The following ZC3H6 variants were observed in gnomAD, a reference collection of about 807,000 sequenced individuals.
ZC3H6 encodes zinc finger CCCH-type containing 6.
A neutral mutation model predicts 107.7 loss-of-function variants in ZC3H6; 40 were observed. The ratio of observed to expected loss-of-function variants is 0.37; its 90% confidence interval spans 0.29 to 0.48. ZC3H6 has a LOEUF of 0.48. ZC3H6 is among the 20% of genes least tolerant of loss of function. ZC3H6 has a pLI of 0.98. For missense variants in ZC3H6, 1,267 were observed against 1,410.4 expected (o/e 0.90, Z 1.63); for synonymous variants, 493 against 487.9 (o/e 1.01, Z -0.14).
chr2:112,317,505 C>T (rs1178723488), intron 7 of ZC3H6, among the ~76,000 whole-genome samples, 173 bp downstream of exon 7: 1 of 152,010 alleles, frequency 6.6e-6, no homozygotes, highest in Non-Finnish European at 1.5e-5. Context: ...AGCAAACTGA[C>T]CTTTATTCTT....
chr2:112,309,840 T>C, intron 3 of ZC3H6, 45 bp from the exon 4 acceptor site: 1 of 1,526,232 alleles, frequency 6.6e-7, no homozygotes, highest in Non-Finnish European at 8.8e-7. Context: ...TCAATTGCTA[T>C]ATATAATTGA....
intron 10 of ZC3H6, 108 bp from the exon 11 acceptor site, chr2:112,324,856 G>A: frequency 1.8e-6 from 2 of 1,132,242 alleles, no homozygotes; most frequent in Non-Finnish European, 2.5e-6. Flanking sequence ...TATTTTAAAT[G>A]ATATAATTTG....
At chr2:112,311,686 GA>G (rs930597948) in intron 4 of ZC3H6, 117 bp from the exon 5 acceptor site, 58 of 839,290 alleles carry the variant, frequency 6.9e-5, no homozygotes, top group African/African-American at 1.2e-4. Context: ...AATCTAGAAG[GA>G]AAAAAAAGAA....
intron 2 of ZC3H6, among the ~76,000 whole-genome samples, 190 bp downstream of exon 2, chr2:112,300,219 CT>C (rs879506959): frequency 1.7e-3 from 251 of 145,126 alleles, no homozygotes; most frequent in Middle Eastern, 3.6e-3. Flanking sequence ...TAAGTTAAAT[CT>C]TTTTTTTTTT....
rs1677179400 is a variant in ZC3H6 at position 112,338,710 on chromosome 2, A to G, written c.*6222A>G. ...TGAAAGGAATGGTGAAATTTGCATT[A>G]TCAGAGGTCTGATATGTAATTTATT... On this transcript the variant is annotated 3_prime_UTR_variant, in exon 12 of 12. Coordinates refer to ENST00000409871, the MANE Select transcript of ZC3H6 (RefSeq NM_198581.3). 6.6e-6 allele frequency: 1 copy of G among 151,818 alleles called. No individual in the cohort carries two copies. Among genetic ancestry groups the G allele is most frequent in the Admixed American group, 6.6e-5 (1 of 15,222 alleles). The allele number at this position is 151,818 out of a possible 1,614,324, so 9.4% of individuals were successfully genotyped here.
At chr2:112,280,145 A>C (rs1023499385) in intron 1 of ZC3H6, among the ~76,000 whole-genome samples, 1 of 152,148 alleles carries the variant, frequency 6.6e-6, no homozygotes, top group Admixed American at 6.5e-5. Flanking sequence ...AATTTTAATT[A>C]AAAAAATTGC....
At chr2:112,298,860 T>A (rs904171835) in intron 1 of ZC3H6, among the ~76,000 whole-genome samples, 1 of 152,228 alleles carries the variant, frequency 6.6e-6, no homozygotes, top group Non-Finnish European at 1.5e-5. Context: ...TATTTGATAC[T>A]GATACAGTAT....
At chr2:112,305,730 T>G (rs971490677) in intron 3 of ZC3H6, among the ~76,000 whole-genome samples, 4 of 152,254 alleles carry the variant, frequency 2.6e-5, no homozygotes, top group Non-Finnish European at 4.4e-5. Flanking sequence ...TATCAAATTC[T>G]CTCAGTTTTT....
At chr2:112,280,048 A>G (rs1280246100) in intron 1 of ZC3H6, among the ~76,000 whole-genome samples, 1 of 152,196 alleles carries the variant, frequency 6.6e-6, no homozygotes, top group Non-Finnish European at 1.5e-5. Flanking sequence ...ACTTGGGTTA[A>G]TGCTCTTCCC....
chr2:112,322,307 A>C (rs1229491411), intron 8 of ZC3H6, among the ~76,000 whole-genome samples: 1 of 150,916 alleles, frequency 6.6e-6, no homozygotes, highest in Non-Finnish European at 1.5e-5. Flanking sequence ...CAACCTCCAC[A>C]CCCTGCTCCT....
chr2:112,301,104 C>G (rs1173096030), intron 2 of ZC3H6, among the ~76,000 whole-genome samples: 1 of 152,154 alleles, frequency 6.6e-6, no homozygotes, highest in African/African-American at 2.4e-5. Context: ...TTCCAGAAAC[C>G]AAGTTGCCAA....
chr2:112,305,885 C>A (rs1413544906), intron 3 of ZC3H6, among the ~76,000 whole-genome samples: 1 of 152,116 alleles, frequency 6.6e-6, no homozygotes, highest in Non-Finnish European at 1.5e-5. Flanking sequence ...AACGTTTTAC[C>A]ACATATGCTT....
At position 112,324,582 on chromosome 2, in the gene ZC3H6, C is replaced by T. The variant is rs758056052; in HGVS notation, c.1771C>T (p.Leu591=). ...EMQLNTNYES[L]QNPAEFYDNY... ...GCAGCTCAACACCAATTATGAGTCCCTGCAAAACCCAGCTGAGTTTTACGA... is the reference window on the plus strand; with the variant it reads ...GCAGCTCAACACCAATTATGAGTCCTTGCAAAACCCAGCTGAGTTTTACGA... Residue 591 remains leucine, a synonymous_variant, in exon 10 of 12, where the codon CTG becomes TTG. Coordinates refer to ENST00000409871, the MANE Select transcript of ZC3H6 (RefSeq NM_198581.3). The T allele has an allele frequency of 2.8e-5, 45 of 1,611,408 alleles. No homozygotes were observed. Among genetic ancestry groups the T allele is most frequent in the Non-Finnish European group, 3.6e-5 (43 of 1,178,600 alleles).
intron 1 of ZC3H6, among the ~76,000 whole-genome samples, chr2:112,289,932 G>GCT (rs1676072849): frequency 6.6e-6 from 1 of 151,908 alleles, no homozygotes; most frequent in Non-Finnish European, 1.5e-5. Context: ...ATAGAGACGG[G>GCT]GTTTTACCGT....
chr2:112,295,275 G>C (rs952137128), intron 1 of ZC3H6, among the ~76,000 whole-genome samples: 1 of 152,030 alleles, frequency 6.6e-6, no homozygotes, highest in African/African-American at 2.4e-5. Context: ...TTAATAAAAC[G>C]TCACATATAT....
At position 112,324,311 on chromosome 2, in the gene ZC3H6, A is replaced by G. The variant is rs369806460; in HGVS notation, c.1500A>G (p.Gly500=). ...CTGTGATGCACCCAGGCTCCCCTGG[A>G]CATCACCCATGTGCAGGACCTCCTG... ...SSPVMHPGSP[G]HHPCAGPPGL... The change falls in exon 10 of 12, where the codon GGA becomes GGG. Residue 500 remains glycine (G), a synonymous_variant. Coordinates refer to ENST00000409871, the MANE Select transcript of ZC3H6 (RefSeq NM_198581.3). 54 of 1,613,884 alleles carry G rather than the reference A, an allele frequency of 3.3e-5. No individual in the cohort carries two copies. The African/African-American group carries it at 4.4e-4, about 13-fold the overall frequency.
chr2:112,316,595 A>G lies in ZC3H6; in HGVS notation c.864+9A>G, dbSNP rs772148554. 1.6e-5 allele frequency: 25 copies of G among 1,515,724 alleles called. No homozygotes were observed. In the Admixed American group the frequency reaches 4.4e-4, roughly 27 times the overall value. 93.9% of individuals were successfully genotyped at this position (1,515,724 alleles called of 1,614,324 possible). ...AAGGGAGGTGTATTAAGGTAAATTT[A>G]TAGAGGTATCATAAGTCATTTTAAC... is the stretch of plus-strand genomic sequence containing the variant. On this transcript the variant is annotated intron_variant, in intron 6 of 11. Coordinates refer to ENST00000409871, the MANE Select transcript of ZC3H6 (RefSeq NM_198581.3).
Position 112,334,439 on chromosome 2 carries a change from CA to C in ZC3H6, c.*1955del, listed in dbSNP as rs1454930603. The C allele has an allele frequency of 6.6e-6, 1 of 151,972 alleles. No individual in the cohort carries two copies. Among genetic ancestry groups the C allele is most frequent in the African/African-American group, 2.4e-5 (1 of 41,384 alleles). The allele number at this position is 151,972 out of a possible 1,614,324, so 9.4% of individuals were successfully genotyped here. On this transcript the variant is annotated 3_prime_UTR_variant, in exon 12 of 12. Transcript: ENST00000409871. The stretch of plus-strand genomic sequence containing the variant: ...AAAGATAATTTGGCTTGCTAAACAT[CA>C]AAATAGAATCCAAACTCTTAACCGA...
intron 1 of ZC3H6, among the ~76,000 whole-genome samples, chr2:112,290,367 A>C (rs529300405): frequency 6.6e-6 from 1 of 152,388 alleles, no homozygotes; most frequent in Admixed American, 6.5e-5. Context: ...TCTCTCAGGC[A>C]GACTCCTCAT....
Sources: gnomAD v4.1 joint callset for allele counts (sites outside exome capture counted in the v4.1 genomes callset) on GRCh38, gnomAD v4.1.1 for gene constraint, MANE v1.5 for transcripts, NCBI Gene and HGNC (gene_info 2026-07-23, HGNC 2026-07-21) for gene names.